PTPRN2: variants seen among roughly 807,000 people sequenced by gnomAD.
PTPRN2 encodes protein tyrosine phosphatase receptor type N2, also known as receptor-type tyrosine-protein phosphatase N2.
In PTPRN2, 74 loss-of-function variants were observed where a neutral mutation model predicts 118.8. The observed-to-expected ratio is 0.62, with a 90% confidence interval of 0.52 to 0.76. The LOEUF (loss-of-function observed/expected upper bound fraction) is 0.76. Among genes scored for constraint, PTPRN2 ranks in the 30% least tolerant of loss-of-function variants. The probability of loss-of-function intolerance (pLI) is 0.00; values close to 1 mark genes in which losing one functional copy is unlikely to be tolerated. For missense variants in PTPRN2, 1,481 were observed against 1,394.4 expected (o/e 1.06, Z -0.99); for synonymous variants, 641 against 608.0 (o/e 1.05, Z -0.80).
intron 11 of PTPRN2, among the ~76,000 whole-genome samples, chr7:158,025,357 G>T (rs56148299): frequency 0.028 from 4,200 of 152,270 alleles, 84 homozygotes; most frequent in Non-Finnish European, 0.044. Flanking sequence ...GATACAACTG[G>T]ATGGGTGTTT....
chr7:158,074,939 G>A (rs1377506373), intron 11 of PTPRN2, among the ~76,000 whole-genome samples: 3 of 152,230 alleles, frequency 2.0e-5, no homozygotes, highest in Admixed American at 6.5e-5. Flanking sequence ...CTAGCCCTTG[G>A]TTTAGCAGTA....
chr7:158,462,549 G>A (rs1369009040), intron 2 of PTPRN2, among the ~76,000 whole-genome samples: 6 of 152,182 alleles, frequency 3.9e-5, no homozygotes, highest in Non-Finnish European at 7.3e-5. Flanking sequence ...GAGAAAGAGG[G>A]AACACCTGCC....
intron 11 of PTPRN2, among the ~76,000 whole-genome samples, chr7:158,058,532 T>C: frequency 1.3e-5 from 1 of 77,046 alleles, no homozygotes; most frequent in Non-Finnish European, 2.4e-5. Flanking sequence ...GCAGCCACAC[T>C]CCATCTGCAC....
intron 3 of PTPRN2, among the ~76,000 whole-genome samples, chr7:158,310,685 G>T (rs909147241): frequency 6.6e-6 from 1 of 151,826 alleles, no homozygotes; most frequent in Non-Finnish European, 1.5e-5. Context: ...CGGACAGAGC[G>T]CAAGTCCCAC....
intron 10 of PTPRN2, among the ~76,000 whole-genome samples, chr7:158,102,798 A>G (rs1478826971): frequency 6.6e-6 from 1 of 152,182 alleles, no homozygotes; most frequent in African/African-American, 2.4e-5. Flanking sequence ...AGCCGGGTTC[A>G]GGACATAGAT....
rs1171819158 is a variant in PTPRN2, at chr7:157,974,512, G to A, written c.1724-75775C>T. Among the ~76,000 whole-genome samples, 3 of 152,156 alleles carry A rather than the reference G, an allele frequency of 2.0e-5. No homozygotes were observed. The highest frequency in any genetic ancestry group is 2.9e-5 in the Non-Finnish European group (2 of 68,040). ...GTGTTCACTGGCAGTGGGAACCGTC[G>A]GTCCTGCCATGGGACGATGTGACTG... is the stretch of plus-strand genomic sequence containing the variant. On this transcript the variant is annotated intron_variant, in intron 11 of 22. Coordinates refer to ENST00000389418, the MANE Select transcript of PTPRN2 (RefSeq NM_002847.5). The surrounding 1 kb of genome is among the most constrained non-coding windows in gnomAD (Gnocchi z 4.0).
intron 6 of PTPRN2, among the ~76,000 whole-genome samples, chr7:158,140,280 G>T (rs73514422): frequency 1.3e-5 from 2 of 152,212 alleles, no homozygotes; most frequent in African/African-American, 4.8e-5. Flanking sequence ...TTTCAAAGGC[G>T]CCAGGGCGTT....
chr7:157,735,173 G>A (rs544282517), intron 12 of PTPRN2, among the ~76,000 whole-genome samples: 3 of 152,344 alleles, frequency 2.0e-5, no homozygotes, highest in African/African-American at 7.2e-5. Context: ...TTCGGCCGGC[G>A]AAGCTCCGTG....
At chr7:158,249,380 T>C (rs1044825355) in intron 3 of PTPRN2, among the ~76,000 whole-genome samples, 4 of 139,882 alleles carry the variant, frequency 2.9e-5, no homozygotes, top group Non-Finnish European at 4.6e-5. Context: ...CATGCATACA[T>C]ACACATATCT....
chr7:158,199,851 G>A (rs1826495471), intron 4 of PTPRN2, among the ~76,000 whole-genome samples: 1 of 152,200 alleles, frequency 6.6e-6, no homozygotes, highest in African/African-American at 2.4e-5. Flanking sequence ...CTGGGAGTGG[G>A]GAGTGAGGAT....
Position 158,183,618 on chromosome 7 carries a change from G to A in PTPRN2, c.549+8709C>T, listed in dbSNP as rs146933677. On this transcript the variant is annotated intron_variant, in intron 5 of 22. Coordinates refer to ENST00000389418, the MANE Select transcript of PTPRN2 (RefSeq NM_002847.5). ...GAATGCACACAGGGCTCTTTCTACT[G>A]CTTCTCCTACTTTATATTCTCCACT... is the stretch of plus-strand genomic sequence containing the variant. 1.7e-3 allele frequency among the ~76,000 whole-genome samples: 258 copies of A among 152,336 alleles called. 2 individuals carry two copies. Among genetic ancestry groups the A allele is most frequent in the African/African-American group, 5.9e-3 (247 of 41,564 alleles).
intron 11 of PTPRN2, among the ~76,000 whole-genome samples, chr7:157,914,126 T>C (rs1190689845): frequency 6.6e-6 from 1 of 152,242 alleles, no homozygotes; most frequent in Non-Finnish European, 1.5e-5. Context: ...CCAATTTTAA[T>C]TCTCAATATT....
intron 12 of PTPRN2, among the ~76,000 whole-genome samples, chr7:157,833,242 A>G (rs1309107489): frequency 6.8e-6 from 1 of 147,874 alleles, no homozygotes; most frequent in Non-Finnish European, 1.5e-5. Flanking sequence ...GCCGGTGCCC[A>G]TCTATCCCAT....
At chr7:157,879,896 T>C (rs1796018397) in intron 12 of PTPRN2, among the ~76,000 whole-genome samples, 1 of 151,914 alleles carries the variant, frequency 6.6e-6, no homozygotes, top group South Asian at 2.1e-4. Flanking sequence ...TTTCATCTCC[T>C]GAGCAGACAA....
chr7:157,913,501 C>T (rs1218247422), intron 11 of PTPRN2, among the ~76,000 whole-genome samples: 2 of 152,158 alleles, frequency 1.3e-5, no homozygotes, highest in Non-Finnish European at 2.9e-5. Flanking sequence ...AGAATATTTC[C>T]AGTGTTTTGC....
chr7:158,473,029 T>A (rs976340114), intron 2 of PTPRN2, among the ~76,000 whole-genome samples: 1 of 113,620 alleles, frequency 8.8e-6, no homozygotes, highest in African/African-American at 3.2e-5. Flanking sequence ...AAGACATGTG[T>A]TTGTTGTATG....
chr7:157,928,277 G>A (rs1023373798), intron 11 of PTPRN2, among the ~76,000 whole-genome samples: 2 of 152,188 alleles, frequency 1.3e-5, no homozygotes, highest in African/African-American at 4.8e-5. Context: ...CCTGGCTTGG[G>A]TGGTCCTTAG....
At chr7:157,896,543 G>C (rs368843229) in intron 12 of PTPRN2, among the ~76,000 whole-genome samples, 1 of 126,532 alleles carries the variant, frequency 7.9e-6, no homozygotes, top group South Asian at 2.4e-4. Context: ...GTGGGCAGCC[G>C]GGGAGGTGCT....
rs1339484162 is a variant in PTPRN2 at position 157,618,618 on chromosome 7, T to C, written c.2344+2744A>G. On this transcript the variant is annotated intron_variant, in intron 15 of 22. Transcript: ENST00000389418. The surrounding 1 kb of genome is among the most constrained non-coding windows in gnomAD (Gnocchi z 4.2). ...GGAGTGAAGATGGAGGAGGCGGCCA[T>C]CTCTCTGGGGCCTGGCAACAGCGAG... 1 of 152,136 alleles carries C rather than the reference T, an allele frequency of 6.6e-6. No individual in the cohort carries two copies. Among genetic ancestry groups the C allele is most frequent in the East Asian group, 1.9e-4 (1 of 5,176 alleles). 9.4% of individuals were successfully genotyped at this position (152,136 alleles called of 1,614,324 possible). A position where few individuals can be genotyped will look rare whatever the true frequency, so the allele number is the denominator to read the frequency against.
Sources: allele counts gnomAD v4.1 joint callset (sites outside exome capture counted in the v4.1 genomes callset), GRCh38; gene constraint gnomAD v4.1.1; non-coding constraint Gnocchi (gnomAD v3.1); transcripts MANE v1.5; gene names NCBI Gene and HGNC (gene_info 2026-07-23, HGNC 2026-07-21).